Variants in RAB8A observed in about 807,000 individuals in gnomAD.
RAB8A encodes ras-related protein Rab-8A.
In RAB8A, 5 loss-of-function variants were observed where a neutral mutation model predicts 29.2. The ratio of observed to expected loss-of-function variants is 0.17; its 90% CI spans 0.09 to 0.36. RAB8A has a LOEUF of 0.36. Ranked by LOEUF, RAB8A falls within the 10% of genes least tolerant of loss-of-function variation. RAB8A has a pLI of 1.00. For synonymous variants in RAB8A, 108 were observed against 99.9 expected (o/e 1.08, Z -0.49); for missense variants, 171 against 272.2 (o/e 0.63, Z 2.62).
At chr19:16,120,438 G>A (rs1001011335) in intron 2 of RAB8A, among the ~76,000 whole-genome samples, 7 of 147,632 alleles carry the variant, frequency 4.7e-5, no homozygotes, top group Admixed American at 1.4e-4. Context: ...TCAGCTTCCC[G>A]AGTAGCTGGG....
chr19:16,129,989 T>C (rs559548292), intron 7 of RAB8A, among the ~76,000 whole-genome samples: 127 of 152,216 alleles, frequency 8.3e-4, no homozygotes, highest in Non-Finnish European at 1.6e-3. Flanking sequence ...TGGCTCATCG[T>C]CTTGACAAGC....
At chr19:16,116,535 C>G (rs758736494) in intron 1 of RAB8A, among the ~76,000 whole-genome samples, 1 of 152,112 alleles carries the variant, frequency 6.6e-6, no homozygotes, top group Non-Finnish European at 1.5e-5. Flanking sequence ...AAAAAGACAC[C>G]AACCCAAGGC....
At chr19:16,114,929 T>A (rs970243280) in intron 1 of RAB8A, among the ~76,000 whole-genome samples, 10 of 151,954 alleles carry the variant, frequency 6.6e-5, no homozygotes, top group African/African-American at 1.9e-4. Context: ...AGTTTACACT[T>A]CCTAATTAAA....
intron 2 of RAB8A, 22 bp downstream of exon 2, chr19:16,118,308 C>A: frequency 6.2e-7 from 1 of 1,602,636 alleles, no homozygotes; most frequent in South Asian, 1.1e-5. Context: ...TGTTCTCTGT[C>A]ATTCTCTCCA....
At chr19:16,117,163 T>C (rs532346220) in intron 1 of RAB8A, among the ~76,000 whole-genome samples, 171 of 152,282 alleles carry the variant, frequency 1.1e-3, no homozygotes, top group South Asian at 4.4e-3. Context: ...ATTTTGTTCA[T>C]CCATTCATCT....
chr19:16,129,398 G>A (rs548899011), intron 6 of RAB8A, among the ~76,000 whole-genome samples, 156 bp from the exon 7 acceptor site: 28 of 152,278 alleles, frequency 1.8e-4, no homozygotes, highest in African/African-American at 6.5e-4. Flanking sequence ...AGCTGGGGCC[G>A]GACAGGCCAG....
At chr19:16,128,380 A>C (rs1440637904) in intron 6 of RAB8A, among the ~76,000 whole-genome samples, 1 of 152,134 alleles carries the variant, frequency 6.6e-6, no homozygotes, top group African/African-American at 2.4e-5. Flanking sequence ...CAGGTGAGGA[A>C]ACTAAGGCTC....
chr19:16,123,997 C>T (rs2090886213), intron 3 of RAB8A: 1 of 152,146 alleles, frequency 6.6e-6, no homozygotes, highest in African/African-American at 2.4e-5. Flanking sequence ...GTTCTCCCCT[C>T]AGCTCCCTGA....
In RAB8A at chr19:16,128,164, G is replaced by A. The variant is rs531597045; in HGVS notation, c.480+73G>A. The stretch of plus-strand genomic sequence containing the variant: ...CCTTCAGGCTAAAGGGGGAGCTGGC[G>A]TCCTCCGAGGAGGTCCTGCCAGACG... On this transcript the variant is annotated intron_variant, in intron 6 of 7. Transcript: ENST00000300935. 48 of 1,512,220 alleles carry A rather than the reference G, an allele frequency of 3.2e-5. No individual in the cohort carries two copies. The East Asian group carries it at 9.2e-4, about 29-fold the overall frequency. The allele number at this position is 1,512,220 out of a possible 1,614,324, so 93.7% of individuals were successfully genotyped here.
chr19:16,118,176 A>G, intron 1 of RAB8A, 50 bp from the exon 2 acceptor site: 2 of 1,559,600 alleles, frequency 1.3e-6, no homozygotes, highest in South Asian at 2.2e-5. Context: ...CTCAGACACA[A>G]CTTGGGAAAT....
intron 2 of RAB8A, 85 bp downstream of exon 2, chr19:16,118,371 T>C (rs2090856498): frequency 7.8e-7 from 1 of 1,279,312 alleles, no homozygotes; most frequent in Non-Finnish European, 1.1e-6. Flanking sequence ...CCACCGTCCC[T>C]GTGACCTTGG....
In RAB8A at chr19:16,127,428, C is replaced by A. The variant is rs765603288; in HGVS notation, c.325-9C>A. The A allele has an allele frequency of 1.6e-5, 23 of 1,475,918 alleles. No individual in the cohort carries two copies. The highest frequency in any genetic ancestry group is 2.1e-5 in the Non-Finnish European group (23 of 1,112,496). 91.4% of individuals were successfully genotyped at this position (1,475,918 alleles called of 1,614,324 possible). A position where few individuals can be genotyped will look rare whatever the true frequency, so the allele number is the denominator to read the frequency against. ...GGTCTGATCCCCCGTCTGTCCCCCT[C>A]CCTCTCAGCACGCCTCTGCAGACGT... On this transcript the variant is annotated splice_polypyrimidine_tract_variant and intron_variant, in intron 4 of 7. Transcript: ENST00000300935. The surrounding 1 kb of genome is among the most constrained non-coding windows in gnomAD (Gnocchi z 4.8).
At chr19:16,114,145 T>C (rs1485242670) in intron 1 of RAB8A, among the ~76,000 whole-genome samples, 1 of 151,906 alleles carries the variant, frequency 6.6e-6, no homozygotes, top group African/African-American at 2.4e-5. Context: ...GGCTCACCCA[T>C]GTAGACCCAG....
chr19:16,123,457 A>T (rs990773330), intron 3 of RAB8A, among the ~76,000 whole-genome samples: 3 of 152,104 alleles, frequency 2.0e-5, no homozygotes, highest in Admixed American at 6.5e-5. Context: ...AAATACAAAA[A>T]TTAGCTGGGC....
At chr19:16,118,074 A>G in intron 1 of RAB8A, 152 bp from the exon 2 acceptor site, 1 of 656,404 alleles carries the variant, frequency 1.5e-6, no homozygotes, top group Non-Finnish European at 2.7e-6. Context: ...GTGTTTCCAG[A>G]TCTGGATATT....
At chr19:16,112,477 T>C (rs10419562) in intron 1 of RAB8A, 52,728 of 174,352 alleles carry the variant, frequency 0.3, 8,324 homozygotes, top group Admixed American at 0.36. Flanking sequence ...TTCACACTCT[T>C]CAGTTCTTGG....
Position 16,133,893 on chromosome 19 carries a change from C to G in RAB8A, c.*1589C>G, listed in dbSNP as rs1179643283. 6.6e-6 allele frequency: 1 copy of G among 152,370 alleles called. No homozygotes were observed. The highest frequency in any genetic ancestry group is 1.5e-5 in the Non-Finnish European group (1 of 68,180). 9.4% of individuals were successfully genotyped at this position (152,370 alleles called of 1,614,324 possible). On this transcript the variant is annotated 3_prime_UTR_variant, in exon 8 of 8. Transcript: ENST00000300935. ...GCTCAGGTGTTCGAGACCAGCCTGGCCAACATGGTGAGCCTGCGTCACCTG... is the reference window on the plus strand; with the variant it reads ...GCTCAGGTGTTCGAGACCAGCCTGGGCAACATGGTGAGCCTGCGTCACCTG...
At chr19:16,126,993 A>T (rs1327794460) in intron 4 of RAB8A, 1 of 152,512 alleles carries the variant, frequency 6.6e-6, no homozygotes, top group Non-Finnish European at 1.5e-5. Flanking sequence ...TCCATCTCAA[A>T]AAAAAACAAA....
Position 16,127,641 on chromosome 19 carries a change from G to A in RAB8A, c.414+115G>A. On this transcript the variant is annotated intron_variant, in intron 5 of 7. Transcript: ENST00000300935. This position sits in a 1 kb window ranked among gnomAD's most constrained non-coding sequence, Gnocchi z 4.8. ...CCTGAGACGAGTTGGTCACCCCAGT[G>A]GGGCACGTGCCATGGGATGACAGAA... 2.5e-6 allele frequency: 2 copies of A among 810,134 alleles called. No homozygotes were observed. Among genetic ancestry groups the A allele is most frequent in the Non-Finnish European group, 3.8e-6 (2 of 528,974 alleles). The allele number at this position is 810,134 out of a possible 1,614,324, so 50.2% of individuals were successfully genotyped here. A position where few individuals can be genotyped will look rare whatever the true frequency, so the allele number is the denominator to read the frequency against.
Sources: gnomAD v4.1 joint callset for allele counts (sites outside exome capture counted in the v4.1 genomes callset) on GRCh38, gnomAD v4.1.1 for gene constraint, Gnocchi (gnomAD v3.1) non-coding constraint, MANE v1.5 for transcripts, NCBI Gene and HGNC (gene_info 2026-07-23, HGNC 2026-07-21) for gene names.